ADAMTS3: variants seen among roughly 807,000 people sequenced by gnomAD.
The protein encoded by ADAMTS3 is A disintegrin and metalloproteinase with thrombospondin motifs 3.
A neutral mutation model predicts 129.0 loss-of-function variants in ADAMTS3; 73 were observed. That is an observed-to-expected ratio of 0.57 (90% CI 0.47 to 0.69). The LOEUF is 0.69. ADAMTS3 is among the 30% of genes least tolerant of loss of function. The pLI is 0.00. For synonymous variants in ADAMTS3, 477 were observed against 510.8 expected, an observed-to-expected ratio of 0.93 and a Z score of 0.89; for missense variants, 1,457 against 1,514.5, an observed-to-expected ratio of 0.96 and a Z score of 0.63.
At chr4:72,373,899 AAATAATAATAATAATAATAATAAT>A (rs58311705) in intron 4 of ADAMTS3, among the ~76,000 whole-genome samples, 108 of 141,098 alleles carry the variant, frequency 7.7e-4, no homozygotes, top group East Asian at 6.3e-3. Context: ...CCCCATCTCA[AAATAATAATAATAATAATAATAAT>A]AATAATAATA....
intron 3 of ADAMTS3, among the ~76,000 whole-genome samples, chr4:72,430,050 T>G (rs891319306): frequency 5.9e-5 from 9 of 152,016 alleles, no homozygotes; most frequent in African/African-American, 9.7e-5. Context: ...TGAACCCTAT[T>G]GTGTTGAAAA....
chr4:72,303,064 A>G (rs1718992857), intron 17 of ADAMTS3, among the ~76,000 whole-genome samples: 1 of 152,152 alleles, frequency 6.6e-6, no homozygotes, highest in Non-Finnish European at 1.5e-5. Flanking sequence ...ACTACATCCA[A>G]CATCTGCTAG....
At chr4:72,568,591 G>A in intron 1 of ADAMTS3, 103 bp downstream of exon 1, 1 of 866,868 alleles carries the variant, frequency 1.2e-6, no homozygotes, top group Admixed American at 2.2e-5. Context: ...AACAGGGAAG[G>A]GTGGGAGGAG....
intron 18 of ADAMTS3, among the ~76,000 whole-genome samples, chr4:72,297,034 G>A (rs2109779717): frequency 6.6e-6 from 1 of 152,212 alleles, no homozygotes; most frequent in African/African-American, 2.4e-5. Flanking sequence ...GCTACATAAA[G>A]TGATGTTGTG....
At chr4:72,306,607 A>G (rs1002341663) in intron 15 of ADAMTS3, among the ~76,000 whole-genome samples, 1 of 151,896 alleles carries the variant, frequency 6.6e-6, no homozygotes, top group African/African-American at 2.4e-5. Context: ...CAGTGCTTTC[A>G]TTTTTCTTGT....
At chr4:72,507,308 C>G (rs936649587) in intron 3 of ADAMTS3, among the ~76,000 whole-genome samples, 51 of 152,192 alleles carry the variant, frequency 3.4e-4, no homozygotes, top group African/African-American at 1.1e-3. Flanking sequence ...CCTGCTGAGT[C>G]TCAGCAGCTC....
At chr4:72,522,743 A>C (rs1720706548) in intron 3 of ADAMTS3, among the ~76,000 whole-genome samples, 1 of 152,132 alleles carries the variant, frequency 6.6e-6, no homozygotes, top group African/African-American at 2.4e-5. Flanking sequence ...CATAACCAAC[A>C]AAAAAAGAAC....
chr4:72,418,219 A>T (rs1232037640), intron 3 of ADAMTS3, among the ~76,000 whole-genome samples: 4 of 152,042 alleles, frequency 2.6e-5, no homozygotes, highest in African/African-American at 4.8e-5. Context: ...TCTAGTATCT[A>T]TTTCAACTGA....
chr4:72,394,360 C>T (rs147915339), intron 4 of ADAMTS3, among the ~76,000 whole-genome samples: 13 of 152,276 alleles, frequency 8.5e-5, no homozygotes, highest in South Asian at 4.1e-4. Flanking sequence ...CAGTCATGTG[C>T]TTTCACAAAG....
chr4:72,293,715 G>C (rs983931315), intron 19 of ADAMTS3, among the ~76,000 whole-genome samples: 1 of 152,010 alleles, frequency 6.6e-6, no homozygotes, highest in African/African-American at 2.4e-5. Context: ...TTTTATACAC[G>C]TATGAACATC....
At position 72,527,171 on chromosome 4, in the gene ADAMTS3, G is replaced by A. The variant is rs72853084; in HGVS notation, c.504+21307C>T. ...ACAGCCCTGACAATCTGACCCTGTC[G>A]TCTCCTTGTGCTCTTACTTCTCAAA... On this transcript the variant is annotated intron_variant, in intron 3 of 21. Coordinates refer to ENST00000286657, the MANE Select transcript of ADAMTS3 (RefSeq NM_014243.3). 6.5e-3 allele frequency among the ~76,000 whole-genome samples: 987 copies of A among 152,100 alleles called. 16 individuals are homozygous for A. Among genetic ancestry groups the A allele is most frequent in the African/African-American group, 0.022 (904 of 41,484 alleles).
intron 3 of ADAMTS3, among the ~76,000 whole-genome samples, chr4:72,497,290 T>C (rs1719896147): frequency 6.6e-6 from 1 of 152,040 alleles, no homozygotes; most frequent in Non-Finnish European, 1.5e-5. Flanking sequence ...ATCCAGAATA[T>C]ATTTTATATC....
At chr4:72,514,357 C>CT (rs1223509769) in intron 3 of ADAMTS3, among the ~76,000 whole-genome samples, 1 of 152,088 alleles carries the variant, frequency 6.6e-6, no homozygotes, top group African/African-American at 2.4e-5. Context: ...AGATGCTCAC[C>CT]TTTGTTTGCA....
At chr4:72,457,181 T>C (rs1280491814) in intron 3 of ADAMTS3, among the ~76,000 whole-genome samples, 1 of 151,720 alleles carries the variant, frequency 6.6e-6, no homozygotes, top group Non-Finnish European at 1.5e-5. Context: ...TGTTCTACAT[T>C]ATAAGCAAAT....
chr4:72,446,934 A>G (rs1432107083), intron 3 of ADAMTS3, among the ~76,000 whole-genome samples: 1 of 151,748 alleles, frequency 6.6e-6, no homozygotes, highest in Admixed American at 6.6e-5. Context: ...AAAACCTAAA[A>G]TTGATATTTT....
At chr4:72,504,178 T>C (rs183264088) in intron 3 of ADAMTS3, among the ~76,000 whole-genome samples, 4 of 152,306 alleles carry the variant, frequency 2.6e-5, no homozygotes, top group South Asian at 4.1e-4. Context: ...GGTTGCTTTA[T>C]TGGGTCTGTG....
At chr4:72,468,785 TGTAA>T (rs1718988074) in intron 3 of ADAMTS3, among the ~76,000 whole-genome samples, 1 of 151,938 alleles carries the variant, frequency 6.6e-6, no homozygotes. Context: ...TAGAATAGAA[TGTAA>T]GTTTTGACTT....
At chr4:72,320,025 C>A in intron 7 of ADAMTS3, 62 bp from the exon 8 acceptor site, 2 of 1,429,392 alleles carry the variant, frequency 1.4e-6, no homozygotes, top group Non-Finnish European at 2.0e-6. Flanking sequence ...AGAATTACAA[C>A]TGGACTTTTG....
chr4:72,436,334 A>G (rs529238700), intron 3 of ADAMTS3, among the ~76,000 whole-genome samples: 54 of 152,282 alleles, frequency 3.5e-4, no homozygotes, highest in African/African-American at 1.2e-3. Context: ...TAGAATGGCA[A>G]TCATCAAAAA....
Sources: gnomAD v4.1 joint callset for allele counts (sites outside exome capture counted in the v4.1 genomes callset) on GRCh38, gnomAD v4.1.1 for gene constraint, MANE v1.5 for transcripts, NCBI Gene and HGNC (gene_info 2026-07-23, HGNC 2026-07-21) for gene names.